The following STXBP5L variants were observed in gnomAD, a reference collection of about 807,000 sequenced individuals.
STXBP5L encodes the protein syntaxin-binding protein 5-like.
A neutral mutation model predicts 144.5 loss-of-function variants in STXBP5L; 65 were observed. That is an observed-to-expected ratio of 0.45 (90% CI 0.37 to 0.55). The LOEUF is 0.55. Among genes scored for constraint, STXBP5L ranks in the 20% least tolerant of loss-of-function variants. STXBP5L has a pLI of 0.00. For synonymous variants in STXBP5L, 505 were observed against 469.6 expected, an observed-to-expected ratio of 1.08 and a Z score of -0.97; for missense variants, 1,298 against 1,405.5, an observed-to-expected ratio of 0.92 and a Z score of 1.22.
Position 121,163,770 on chromosome 3 carries a change from GT to G in STXBP5L, c.877+6154del, listed in dbSNP as rs767965769. Among the ~76,000 whole-genome samples the G allele has an allele frequency of 9.6e-3, 1,417 of 146,968 alleles. 15 individuals are homozygous for G. Among genetic ancestry groups the G allele is most frequent in the Middle Eastern group, 0.035 (10 of 288 alleles). The stretch of plus-strand genomic sequence containing the variant: ...ATAAATAAAACGTTGAATATATCAT[GT>G]TTTTTTTTTTAATTTTAAATGTCAC... On this transcript the variant is annotated intron_variant, in intron 9 of 26. Coordinates refer to ENST00000471454, the MANE Select transcript of STXBP5L (RefSeq NM_001308330.2).
At chr3:121,373,486 C>T (rs180896519) in intron 20 of STXBP5L, among the ~76,000 whole-genome samples, 15 of 152,278 alleles carry the variant, frequency 9.9e-5, no homozygotes, top group Admixed American at 2.0e-4. Context: ...AACTACATCC[C>T]GCCCTGGTGC....
chr3:121,352,069 C>T (rs1290633660), intron 20 of STXBP5L, among the ~76,000 whole-genome samples: 3 of 152,068 alleles, frequency 2.0e-5, no homozygotes, highest in Non-Finnish European at 4.4e-5. Context: ...CAGTACCATG[C>T]TGTTTTGTTT....
intron 9 of STXBP5L, among the ~76,000 whole-genome samples, chr3:121,183,498 C>T (rs1362341780): frequency 6.6e-6 from 1 of 151,960 alleles, no homozygotes; most frequent in Non-Finnish European, 1.5e-5. Context: ...TATACACCAA[C>T]AGTGACCAAG....
intron 9 of STXBP5L, among the ~76,000 whole-genome samples, chr3:121,185,067 C>A (rs1273228136): frequency 6.6e-6 from 1 of 152,170 alleles, no homozygotes; most frequent in Non-Finnish European, 1.5e-5. Context: ...AAGCACTGAA[C>A]ATGGAAAGGA....
In STXBP5L at chr3:120,984,432, A is replaced by G. The variant is rs182607892; in HGVS notation, c.287+29395A>G. On this transcript the variant is annotated intron_variant, in intron 3 of 26. Transcript: ENST00000471454. ...ATGCCAGGGCATCTACTATTCTGCT[A>G]TCTTGCTGATACCCTGAGATCTCCT... Among the ~76,000 whole-genome samples, 561 of 152,112 alleles carry G rather than the reference A, an allele frequency of 3.7e-3. 5 individuals are homozygous for G. Among genetic ancestry groups the G allele is most frequent in the African/African-American group, 0.011 (448 of 41,506 alleles).
At chr3:121,194,909 C>A in intron 9 of STXBP5L, among the ~76,000 whole-genome samples, 1 of 68,494 alleles carries the variant, frequency 1.5e-5, no homozygotes, top group East Asian at 4.6e-4. Context: ...TCTTTTCACT[C>A]TTTTTTTTTT....
chr3:120,982,913 C>T lies in STXBP5L; in HGVS notation c.287+27876C>T, dbSNP rs147128593. On this transcript the variant is annotated intron_variant, in intron 3 of 26. Coordinates refer to ENST00000471454, the MANE Select transcript of STXBP5L (RefSeq NM_001308330.2). Reference sequence around the variant, plus strand: ...GATTTGTCCTCAGGTCCCTAGGGTTCAGGTGCTGCCTGTGATAGGGAGGAG... The same window carrying T: ...GATTTGTCCTCAGGTCCCTAGGGTTTAGGTGCTGCCTGTGATAGGGAGGAG... Among the ~76,000 whole-genome samples, 12 of 152,266 alleles carry T rather than the reference C, an allele frequency of 7.9e-5. No homozygotes were observed. The East Asian group carries it at 2.3e-3, about 29-fold the overall frequency.
chr3:121,009,281 C>G (rs551718477), intron 3 of STXBP5L, among the ~76,000 whole-genome samples: 1 of 151,980 alleles, frequency 6.6e-6, no homozygotes, highest in Non-Finnish European at 1.5e-5. Flanking sequence ...TGCATGCACT[C>G]CCCTAGATTC....
At position 121,306,921 on chromosome 3, in the gene STXBP5L, A is replaced by G. The variant is rs149009865; in HGVS notation, c.2111-11554A>G. The stretch of plus-strand genomic sequence containing the variant: ...TGAAAAACAATAAAATAATAGACCA[A>G]TTACCCAGCTGTGATTTGGCAGTGT... On this transcript the variant is annotated intron_variant, in intron 19 of 26. Transcript: ENST00000471454. Among the ~76,000 whole-genome samples the G allele has an allele frequency of 2.9e-3, 447 of 152,280 alleles. 5 individuals carry two copies. The highest frequency in any genetic ancestry group is 5.2e-3 in the Non-Finnish European group (355 of 68,024).
At chr3:121,220,754 G>T (rs2048948872) in intron 10 of STXBP5L, among the ~76,000 whole-genome samples, 1 of 151,972 alleles carries the variant, frequency 6.6e-6, no homozygotes, top group African/African-American at 2.4e-5. Context: ...TGAAAAATGT[G>T]GGCTTTTGAG....
intron 5 of STXBP5L, among the ~76,000 whole-genome samples, chr3:121,091,699 C>G (rs554566446): frequency 1.3e-5 from 2 of 152,060 alleles, no homozygotes; most frequent in South Asian, 4.1e-4. Flanking sequence ...GAGTAGGTTG[C>G]GAAAATTTTC....
intron 5 of STXBP5L, among the ~76,000 whole-genome samples, chr3:121,109,233 C>T (rs768080474): frequency 6.6e-6 from 1 of 152,052 alleles, no homozygotes; most frequent in African/African-American, 2.4e-5. Context: ...TCTCTATCGC[C>T]TTCAGTTCTG....
At chr3:121,005,187 T>G (rs538074076) in intron 3 of STXBP5L, among the ~76,000 whole-genome samples, 10 of 152,252 alleles carry the variant, frequency 6.6e-5, no homozygotes, top group African/African-American at 2.2e-4. Context: ...GTCCTGGACT[T>G]TTTTTGGTTG....
chr3:121,313,145 A>C, intron 19 of STXBP5L, among the ~76,000 whole-genome samples: 1 of 128,718 alleles, frequency 7.8e-6, no homozygotes. Context: ...AGGGGTCCTC[A>C]CTTCCCAGTA....
intron 5 of STXBP5L, among the ~76,000 whole-genome samples, chr3:121,086,414 G>C (rs147682413): frequency 1.3e-5 from 2 of 152,004 alleles, no homozygotes; most frequent in East Asian, 1.9e-4. Context: ...TGCCTCATGC[G>C]TTCATAGCCA....
intron 22 of STXBP5L, among the ~76,000 whole-genome samples, chr3:121,389,019 C>A (rs1048801137): frequency 6.6e-6 from 1 of 152,156 alleles, no homozygotes; most frequent in Non-Finnish European, 1.5e-5. Flanking sequence ...CCATCTGATC[C>A]TGGACTTTTT....
At chr3:121,161,497 A>C (rs892170996) in intron 9 of STXBP5L, among the ~76,000 whole-genome samples, 2 of 151,698 alleles carry the variant, frequency 1.3e-5, no homozygotes, top group Non-Finnish European at 2.9e-5. Context: ...TGACTACTTT[A>C]TGTCTAGGCT....
intron 9 of STXBP5L, among the ~76,000 whole-genome samples, chr3:121,194,508 C>A (rs1026998744): frequency 2.0e-5 from 3 of 150,852 alleles, no homozygotes; most frequent in African/African-American, 7.3e-5. Flanking sequence ...GCACTCCCTG[C>A]CTTGAAAAAA....
intron 22 of STXBP5L, among the ~76,000 whole-genome samples, chr3:121,384,661 A>G (rs1158638257): frequency 6.6e-6 from 1 of 152,118 alleles, no homozygotes; most frequent in East Asian, 1.9e-4. Context: ...AATCGTGAAG[A>G]AGGAAAAGAC....
Sources: gnomAD v4.1 joint callset for allele counts (sites outside exome capture counted in the v4.1 genomes callset) on GRCh38, gnomAD v4.1.1 for gene constraint, MANE v1.5 for transcripts, NCBI Gene and HGNC (gene_info 2026-07-23, HGNC 2026-07-21) for gene names.